The following TUBGCP3 variants were observed in gnomAD, a reference collection of about 807,000 sequenced individuals.
The protein encoded by TUBGCP3 is gamma-tubulin complex component 3.
In TUBGCP3, 50 loss-of-function variants were observed where a neutral mutation model predicts 123.1. That is an observed-to-expected ratio of 0.41 (90% CI 0.32 to 0.51). The LOEUF is 0.51. Ranked by LOEUF, TUBGCP3 falls within the 20% of genes least tolerant of loss-of-function variation. The pLI is 0.36. For missense variants in TUBGCP3, 882 were observed against 1,127.0 expected (o/e 0.78, Z 3.11); for synonymous variants, 405 against 413.9 (o/e 0.98, Z 0.26).
At chr13:112,550,855 T>C (rs535447560) in intron 8 of TUBGCP3, among the ~76,000 whole-genome samples, 4 of 152,128 alleles carry the variant, frequency 2.6e-5, no homozygotes, top group Non-Finnish European at 5.9e-5. Context: ...TCTCATCACT[T>C]TGGGAGGCCA....
At chr13:112,512,596 G>A (rs1057117922) in intron 17 of TUBGCP3, among the ~76,000 whole-genome samples, 1 of 151,936 alleles carries the variant, frequency 6.6e-6, no homozygotes, top group South Asian at 2.1e-4. Flanking sequence ...TTAGCCAGGC[G>A]TTGTGGCGGG....
intron 20 of TUBGCP3, among the ~76,000 whole-genome samples, chr13:112,492,464 C>T (rs1422726332): frequency 6.6e-6 from 1 of 152,232 alleles, no homozygotes; most frequent in Non-Finnish European, 1.5e-5. Context: ...GCGCATGTCA[C>T]CCCCATGCAG....
Position 112,504,062 on chromosome 13 carries a change from G to A in TUBGCP3, c.2277C>T (p.Ile759=). 1.2e-6 allele frequency: 2 copies of A among 1,614,094 alleles called. No individual in the cohort carries two copies. Among genetic ancestry groups the A allele is most frequent in the Non-Finnish European group, 1.7e-6 (2 of 1,179,988 alleles). Reference sequence around the variant, plus strand: ...AGTCACTGTCCAGCAGGCAGCGGGAGATGATGGTGTCTAAGAACACCTCGT... The same window carrying A: ...AGTCACTGTCCAGCAGGCAGCGGGAAATGATGGTGTCTAAGAACACCTCGT... The part of the protein sequence containing the change: ...AAHEVFLDTI[I]SRCLLDSDSR... Residue 759 remains isoleucine (I), a synonymous_variant, in exon 19 of 22, where the codon ATC becomes ATT. Coordinates refer to ENST00000261965, the MANE Select transcript of TUBGCP3 (RefSeq NM_006322.6).
chr13:112,597,224 T>C, the TUBGCP3 span, among the ~76,000 whole-genome samples: 2 of 152,224 alleles, frequency 1.3e-5, no homozygotes, highest in African/African-American at 2.4e-5. Context: ...TGGGAACTGA[T>C]GGTAAAATTG....
chr13:112,594,888 T>C, the TUBGCP3 span, among the ~76,000 whole-genome samples: 13 of 152,224 alleles, frequency 8.5e-5, no homozygotes, highest in Non-Finnish European at 1.6e-4. Flanking sequence ...TATTTTGTTG[T>C]TGATTTCTAG....
At chr13:112,516,883 C>CAGG (rs1876179236) in intron 16 of TUBGCP3, among the ~76,000 whole-genome samples, 1 of 152,192 alleles carries the variant, frequency 6.6e-6, no homozygotes, top group Admixed American at 6.5e-5. Context: ...ATCCGTGAGG[C>CAGG]AGGGGTGCAC....
intron 1 of TUBGCP3, among the ~76,000 whole-genome samples, chr13:112,583,729 G>A (rs549902946): frequency 2.9e-4 from 44 of 152,318 alleles, no homozygotes; most frequent in Admixed American, 6.5e-4. Context: ...CCAAGTTTCT[G>A]CCTTCCTGTT....
At chr13:112,540,329 G>A (rs1457507249) in intron 11 of TUBGCP3, among the ~76,000 whole-genome samples, 2 of 146,886 alleles carry the variant, frequency 1.4e-5, no homozygotes, top group South Asian at 2.3e-4. Flanking sequence ...GAATGAGGAC[G>A]TCAATGTAGT....
chr13:112,543,798 A>G (rs1458758788), intron 11 of TUBGCP3, among the ~76,000 whole-genome samples: 1 of 152,216 alleles, frequency 6.6e-6, no homozygotes, highest in Non-Finnish European at 1.5e-5. Context: ...TAATTTTTTA[A>G]AAGAGCAATT....
Position 112,526,954 on chromosome 13 carries a change from A to C in TUBGCP3, c.1543T>G (p.Ser515Ala). 1 of 1,613,630 alleles carries C rather than the reference A, an allele frequency of 6.2e-7. No individual in the cohort carries two copies. The highest frequency in any genetic ancestry group is 8.5e-7 in the Non-Finnish European group (1 of 1,179,596). Residue 515 changes from serine to alanine, a missense_variant, in exon 13 of 22, where the codon TCA becomes GCA. Physicochemically the swap from Ser to Ala is moderately conservative, Grantham distance 99. This residue lies in a region of TUBGCP3 where 713 missense variants were observed against 874.0 expected (regional missense o/e 0.82). Transcript: ENST00000261965. ...KMIAVTKSAE[S>A]PQDAADLFTD... ...AGCATCATCATACCGTCCTGGGGTG[A>C]CTCTGCAGACTTGGTCACAGCTATC... is the stretch of plus-strand genomic sequence containing the variant.
intron 1 of TUBGCP3, among the ~76,000 whole-genome samples, chr13:112,571,329 T>C (rs1881371914): frequency 6.6e-6 from 1 of 152,230 alleles, no homozygotes; most frequent in Non-Finnish European, 1.5e-5. Context: ...GCAGAACAGA[T>C]GCATGTTAGC....
chr13:112,496,903 G>A (rs1232361927), intron 20 of TUBGCP3, among the ~76,000 whole-genome samples: 1 of 151,678 alleles, frequency 6.6e-6, no homozygotes, highest in Non-Finnish European at 1.5e-5. Context: ...GGAGAATGGC[G>A]TGAACCCAGG....
chr13:112,565,249 C>G (rs952852639), intron 2 of TUBGCP3, 71 bp from the exon 3 acceptor site: 7 of 1,304,498 alleles, frequency 5.4e-6, no homozygotes, highest in Admixed American at 3.5e-5. Flanking sequence ...TACTATTTCA[C>G]CTACAACACC....
At chr13:112,541,464 C>T (rs931401984) in intron 11 of TUBGCP3, among the ~76,000 whole-genome samples, 10 of 151,466 alleles carry the variant, frequency 6.6e-5, no homozygotes, top group African/African-American at 2.2e-4. Flanking sequence ...ATTGCTTGAA[C>T]CCAGGAGGCA....
chr13:112,576,059 T>A (rs1024346672), intron 1 of TUBGCP3, among the ~76,000 whole-genome samples: 3 of 152,246 alleles, frequency 2.0e-5, no homozygotes, highest in African/African-American at 7.2e-5. Context: ...GTGCCTTTCA[T>A]TACTTAAATT....
At chr13:112,530,850 T>C (rs1430319006) in intron 11 of TUBGCP3, among the ~76,000 whole-genome samples, 3 of 152,246 alleles carry the variant, frequency 2.0e-5, no homozygotes, top group Non-Finnish European at 4.4e-5. Context: ...AGAATGTGTC[T>C]GGTCCTGACA....
intron 2 of TUBGCP3, among the ~76,000 whole-genome samples, chr13:112,566,477 T>C (rs1278509143): frequency 2.0e-5 from 3 of 152,230 alleles, no homozygotes; most frequent in Non-Finnish European, 2.9e-5. Context: ...GATCTTGGTA[T>C]GAAGCACATA....
chr13:112,577,213 C>T (rs1881891510), intron 1 of TUBGCP3, among the ~76,000 whole-genome samples: 1 of 152,044 alleles, frequency 6.6e-6, no homozygotes, highest in Admixed American at 6.6e-5. Context: ...CCAAAGAGCA[C>T]AATACAGGCA....
intron 11 of TUBGCP3, among the ~76,000 whole-genome samples, chr13:112,535,540 A>C (rs2139125843): frequency 6.6e-6 from 1 of 152,262 alleles, no homozygotes; most frequent in South Asian, 2.1e-4. Context: ...GCATTTCGCT[A>C]TAATAATAAT....
Sources: allele counts gnomAD v4.1 joint callset (sites outside exome capture counted in the v4.1 genomes callset), GRCh38; gene constraint gnomAD v4.1.1; regional missense constraint gnomAD v4.1.1; transcripts MANE v1.5; gene names NCBI Gene and HGNC (gene_info 2026-07-23, HGNC 2026-07-21).